FRMPD4: variants seen among roughly 807,000 people sequenced by gnomAD.
FRMPD4 encodes FERM and PDZ domain containing 4.
Under a neutral mutation model 94.1 loss-of-function variants are expected in FRMPD4, and 22 were observed. That is an observed-to-expected ratio of 0.23 (90% CI 0.17 to 0.33). The LOEUF is 0.33. FRMPD4 is among the 10% of genes least tolerant of loss of function. The pLI, the probability that FRMPD4 is intolerant of heterozygous loss-of-function variation, is 1.00. For synonymous variants in FRMPD4, 631 were observed against 548.6 expected, an observed-to-expected ratio of 1.15 and a Z score of -2.10; for missense variants, 1,111 against 1,339.9, an observed-to-expected ratio of 0.83 and a Z score of 2.67.
chrX:12,609,395 T>C (rs906845973), intron 2 of FRMPD4, among the ~76,000 whole-genome samples: 6 of 111,888 alleles, frequency 5.4e-5, no homozygotes, highest in African/African-American at 2.0e-4. Context: ...ATCAGGCATG[T>C]TGGGGAGCAG....
At chrX:12,037,316 CA>C (rs1195422941) in intron 3 of FRMPD4, among the ~76,000 whole-genome samples, 1 of 111,769 alleles carries the variant, frequency 8.9e-6, no homozygotes, top group Non-Finnish European at 1.9e-5. Context: ...TGCATTATGA[CA>C]AATGTATATA....
At chrX:11,830,100 A>G (rs1298091027) in intron 1 of FRMPD4, among the ~76,000 whole-genome samples, 1 of 111,591 alleles carries the variant, frequency 9.0e-6, no homozygotes, top group Non-Finnish European at 1.9e-5. Context: ...ATGTTTTAGA[A>G]CGCTTAAGAA....
chrX:12,518,076 C>T (rs1477593403), intron 2 of FRMPD4, among the ~76,000 whole-genome samples: 4 of 111,723 alleles, frequency 3.6e-5, no homozygotes, highest in African/African-American at 6.5e-5. Flanking sequence ...GGAGCTGCAG[C>T]GATGGTGGCC....
chrX:12,584,572 G>T (rs2058904468), intron 2 of FRMPD4, among the ~76,000 whole-genome samples: 1 of 111,981 alleles, frequency 8.9e-6, no homozygotes, highest in African/African-American at 3.3e-5. Context: ...AAAAAAGAAC[G>T]TTCCTTTACA....
At chrX:12,287,390 T>G (rs1243024450) in intron 1 of FRMPD4, among the ~76,000 whole-genome samples, 1 of 111,159 alleles carries the variant, frequency 9.0e-6, no homozygotes, top group Non-Finnish European at 1.9e-5. Context: ...ACAATGGTGA[T>G]CATAGAGCAA....
intron 1 of FRMPD4, among the ~76,000 whole-genome samples, chrX:12,478,455 A>G (rs1281893415): frequency 8.1e-5 from 9 of 111,780 alleles, no homozygotes; most frequent in African/African-American, 2.9e-4. Flanking sequence ...GGTGCGTGCT[A>G]TGCCTGTGGC....
chrX:12,030,419 G>A (rs777778989), intron 3 of FRMPD4, among the ~76,000 whole-genome samples: 9 of 111,456 alleles, frequency 8.1e-5, no homozygotes, highest in Admixed American at 1.9e-4. Context: ...TTTTTTTTGT[G>A]GGGGGGAGGT....
intron 1 of FRMPD4, among the ~76,000 whole-genome samples, chrX:12,317,934 A>G (rs2055151423): frequency 8.9e-6 from 1 of 112,315 alleles, no homozygotes. Context: ...ATATGATCCA[A>G]CAATCCCACT....
intron 1 of FRMPD4, among the ~76,000 whole-genome samples, chrX:12,241,638 G>A (rs1425000384): frequency 7.2e-5 from 8 of 111,825 alleles, no homozygotes; most frequent in Admixed American, 6.7e-4. Flanking sequence ...ACTGGCTCAC[G>A]CCTGTAAACC....
At chrX:12,704,073 G>T (rs1300893077) in intron 10 of FRMPD4, among the ~76,000 whole-genome samples, 2 of 112,782 alleles carry the variant, frequency 1.8e-5, no homozygotes, top group Non-Finnish European at 3.7e-5. Context: ...AGATTCAGAA[G>T]TTGGTTGGAC....
chrX:11,964,110 CT>C (rs2054297565), intron 3 of FRMPD4, among the ~76,000 whole-genome samples: 1 of 111,139 alleles, frequency 9.0e-6, no homozygotes, highest in African/African-American at 3.3e-5. Context: ...TTCAGAACTA[CT>C]TGAATCAGAA....
chrX:12,645,347 CTTTTTT>C (rs138817056), intron 4 of FRMPD4, among the ~76,000 whole-genome samples: 2,285 of 55,491 alleles, frequency 0.041, 27 homozygotes, highest in Middle Eastern at 0.069. Flanking sequence ...CACTCTCACT[CTTTTTT>C]TTTTTTTTTT....
At chrX:12,709,636 TCTAACA>T (rs1333096999) in intron 13 of FRMPD4, among the ~76,000 whole-genome samples, 1 of 111,866 alleles carries the variant, frequency 8.9e-6, no homozygotes, top group Non-Finnish European at 1.9e-5. Context: ...GAATTTTACC[TCTAACA>T]CTAATTTACA....
intron 3 of FRMPD4, among the ~76,000 whole-genome samples, chrX:12,030,410 T>C (rs900426569): frequency 8.9e-6 from 1 of 111,904 alleles, no homozygotes; most frequent in African/African-American, 3.3e-5. Context: ...TCTAATAGCT[T>C]TTTTTTGTGG....
chrX:12,553,331 T>A (rs1236379437), intron 2 of FRMPD4, among the ~76,000 whole-genome samples: 1 of 106,244 alleles, frequency 9.4e-6, no homozygotes, highest in Non-Finnish European at 1.9e-5. Context: ...TCACTCTGTT[T>A]TGCAACTGCA....
chrX:12,601,358 A>C (rs12690126), intron 2 of FRMPD4, among the ~76,000 whole-genome samples: 18,897 of 111,315 alleles, frequency 0.17, 2,075 homozygotes, highest in African/African-American at 0.39. Flanking sequence ...ATGTGTGTTC[A>C]TATAAAATTT....
intron 3 of FRMPD4, among the ~76,000 whole-genome samples, chrX:12,052,738 A>G (rs2054825205): frequency 8.9e-6 from 1 of 111,943 alleles, no homozygotes; most frequent in Admixed American, 9.5e-5. Flanking sequence ...TTGACTTACA[A>G]TTGAGCTTTT....
intron 1 of FRMPD4, among the ~76,000 whole-genome samples, chrX:12,487,114 A>G (rs766953295): frequency 7.1e-4 from 80 of 112,316 alleles, no homozygotes; most frequent in Non-Finnish European, 1.4e-3. Flanking sequence ...CCAGAGTTTG[A>G]GGTAAGCACC....
chrX:12,412,933 A>G (rs968182912), intron 1 of FRMPD4, among the ~76,000 whole-genome samples: 3 of 111,496 alleles, frequency 2.7e-5, no homozygotes, highest in African/African-American at 9.8e-5. Flanking sequence ...AGCATTGGCC[A>G]ATGCCTCCAT....
Sources: gnomAD v4.1 joint callset for allele counts (sites outside exome capture counted in the v4.1 genomes callset) on GRCh38, gnomAD v4.1.1 for gene constraint, MANE v1.5 for transcripts, NCBI Gene and HGNC (gene_info 2026-07-23, HGNC 2026-07-21) for gene names.